GOLGA4: variants seen among roughly 807,000 people sequenced by gnomAD.
GOLGA4 encodes golgin subfamily A member 4.
GOLGA4 carries 169 observed loss-of-function variants against 265.9 expected under a neutral mutation model. That is an observed-to-expected ratio of 0.64 (90% CI 0.56 to 0.72). GOLGA4 has a LOEUF of 0.72. Among genes scored for constraint, GOLGA4 ranks in the 30% least tolerant of loss-of-function variants. The probability of loss-of-function intolerance (pLI) is 0.00; values close to 1 mark genes in which losing one functional copy is unlikely to be tolerated. For synonymous variants in GOLGA4, 923 were observed against 855.8 expected, an observed-to-expected ratio of 1.08 and a Z score of -1.37; for missense variants, 2,482 against 2,483.4, an observed-to-expected ratio of 1.00 and a Z score of 0.01.
chr3:37,249,028 T>C (rs963451069), intron 1 of GOLGA4, among the ~76,000 whole-genome samples: 60 of 152,342 alleles, frequency 3.9e-4, no homozygotes, highest in Non-Finnish European at 2.2e-4. Flanking sequence ...AGTGACCATT[T>C]TATTAAAGGA....
At chr3:37,275,736 T>C (rs1438695963) in intron 2 of GOLGA4, 10 of 1,612,760 alleles carry the variant, frequency 6.2e-6, no homozygotes, top group Middle Eastern at 1.9e-4. Flanking sequence ...ATGGACAAGA[T>C]GGTGCAGAAG....
intron 21 of GOLGA4, among the ~76,000 whole-genome samples, chr3:37,353,143 G>A (rs746875263): frequency 7.0e-4 from 106 of 151,938 alleles, no homozygotes; most frequent in Non-Finnish European, 1.4e-3. Context: ...ATGGTTTGTG[G>A]TGCCCCAATA....
rs1330663745 is a variant in GOLGA4 at position 37,328,471 on chromosome 3, A to T, written c.5995A>T (p.Arg1999Trp). 6 of 1,612,638 alleles carry T rather than the reference A, an allele frequency of 3.7e-6. No individual in the cohort carries two copies. Among genetic ancestry groups the T allele is most frequent in the Non-Finnish European group, 5.1e-6 (6 of 1,178,734 alleles). Residue 1999 changes from arginine (R) to tryptophan (W), a missense_variant, in exon 15 of 24, where the codon AGG (arginine) becomes TGG (tryptophan). By Grantham distance (101) the Arg-to-Trp change is moderately radical. Coordinates refer to ENST00000361924, the MANE Select transcript of GOLGA4 (RefSeq NM_002078.5). ...KHNSTLKQLM[R>W]EFNTQLAQKE... ...CAATTCCACATTAAAACAGCTGATG[A>T]GGGAGTTTAATACACAGCTGGCACA...
chr3:37,345,071 A>G (rs1324113296), intron 20 of GOLGA4, among the ~76,000 whole-genome samples: 3 of 152,106 alleles, frequency 2.0e-5, no homozygotes, highest in Non-Finnish European at 4.4e-5. Flanking sequence ...TTAGCTAGGC[A>G]TGGTGACATG....
At chr3:37,298,138 C>G (rs1216391428) in intron 7 of GOLGA4, among the ~76,000 whole-genome samples, 1 of 152,132 alleles carries the variant, frequency 6.6e-6, no homozygotes, top group Non-Finnish European at 1.5e-5. Context: ...CTAGACAGAG[C>G]TGATTTATCA....
chr3:37,326,036 C>A lies in GOLGA4; in HGVS notation c.4150C>A (p.Gln1384Lys), dbSNP rs1578710694. ...ACTAACTGATTTGAATGTTCAGCTT[C>A]AAAATAGCATCAGCCTATCCGAAAA... ...KQLTDLNVQLQNSISLSEKEA... is the reference protein window; with the variant it reads ...KQLTDLNVQLKNSISLSEKEA... The change falls in exon 14 of 24, where the codon CAA (glutamine) becomes AAA (lysine). Residue 1384 changes from glutamine to lysine, a missense_variant. This residue lies in a region of GOLGA4 where 942 missense variants were observed against 983.1 expected (regional missense o/e 0.96). Coordinates refer to ENST00000361924, the MANE Select transcript of GOLGA4 (RefSeq NM_002078.5). 6.2e-7 allele frequency: 1 copy of A among 1,613,298 alleles called. No individual in the cohort carries two copies. The highest frequency in any genetic ancestry group is 1.1e-5 in the South Asian group (1 of 91,044).
In GOLGA4 at chr3:37,254,109, A is replaced by G. The variant is rs187728933; in HGVS notation, c.162+2625A>G. Among the ~76,000 whole-genome samples, 412 of 152,302 alleles carry G rather than the reference A, an allele frequency of 2.7e-3. 2 individuals carry two copies. Among genetic ancestry groups the G allele is most frequent in the African/African-American group, 9.3e-3 (387 of 41,582 alleles). On this transcript the variant is annotated intron_variant, in intron 2 of 23. Transcript: ENST00000361924. The stretch of plus-strand genomic sequence containing the variant: ...TGCAAACTAATATACTATAATGTCA[A>G]TCAATATACTGAGTATAGAAATGAT...
At chr3:37,345,440 A>G (rs1559462601) in intron 20 of GOLGA4, among the ~76,000 whole-genome samples, 1 of 152,220 alleles carries the variant, frequency 6.6e-6, no homozygotes, top group Non-Finnish European at 1.5e-5. Context: ...ACACTTTGGA[A>G]TTTGGCCCAG....
intron 2 of GOLGA4, among the ~76,000 whole-genome samples, chr3:37,272,446 A>T (rs2150723293): frequency 6.6e-6 from 1 of 152,270 alleles, no homozygotes; most frequent in East Asian, 1.9e-4. Flanking sequence ...CTGAGGTGAG[A>T]GGATCCCTTG....
In GOLGA4 at chr3:37,324,569, G is replaced by A. The variant is rs1389940801; in HGVS notation, c.2683G>A (p.Gly895Ser). Residue 895 changes from glycine to serine, a missense_variant, in exon 14 of 24, where the codon GGT becomes AGT. By Grantham distance (56) the Gly-to-Ser change is moderately conservative. Transcript: ENST00000361924. ...TQVYESKLEDGNKEQEQTKQI... is the reference protein window; with the variant it reads ...TQVYESKLEDSNKEQEQTKQI... ...AGTCTATGAGTCCAAACTTGAAGAT[G>A]GTAACAAAGAACAGGAACAGACAAA... 2.5e-6 allele frequency: 4 copies of A among 1,613,406 alleles called. No individual in the cohort carries two copies. The highest frequency in any genetic ancestry group is 2.5e-6 in the Non-Finnish European group (3 of 1,179,862).
intron 23 of GOLGA4, among the ~76,000 whole-genome samples, chr3:37,364,101 TTCAGAAG>T: frequency 6.6e-6 from 1 of 152,170 alleles, no homozygotes; most frequent in Non-Finnish European, 1.5e-5. Flanking sequence ...CATTTACAAA[TTCAGAAG>T]ACTAAAACTC....
Position 37,296,146 on chromosome 3 carries a change from A to G in GOLGA4, c.741A>G (p.Pro247=), listed in dbSNP as rs2096877722. Residue 247 remains proline (P), a synonymous_variant, in exon 7 of 24, where the codon CCA becomes CCG. Coordinates refer to ENST00000361924, the MANE Select transcript of GOLGA4 (RefSeq NM_002078.5). The part of the protein sequence containing the change: ...NGPMNVDVLK[P]LPQLEPQAEV... ...CGATGAATGTTGATGTACTGAAACC[A>G]CTTCCTCAGCTGGAACCACAGGCTG... The G allele has an allele frequency of 1.2e-6, 2 of 1,613,628 alleles. No individual in the cohort carries two copies. The highest frequency in any genetic ancestry group is 1.7e-6 in the Non-Finnish European group (2 of 1,179,624).
intron 20 of GOLGA4, among the ~76,000 whole-genome samples, chr3:37,341,465 A>G (rs1301799344): frequency 6.6e-6 from 1 of 152,224 alleles, no homozygotes; most frequent in Admixed American, 6.5e-5. Context: ...AATGTAAAAT[A>G]CTACACAAAT....
chr3:37,362,101 A>C (rs965824318), intron 23 of GOLGA4, among the ~76,000 whole-genome samples: 21 of 152,342 alleles, frequency 1.4e-4, no homozygotes, highest in Non-Finnish European at 2.6e-4. Context: ...CTTCACTATA[A>C]TTAAAATAAA....
chr3:37,255,927 A>G (rs2096747357), intron 2 of GOLGA4, among the ~76,000 whole-genome samples: 1 of 152,064 alleles, frequency 6.6e-6, no homozygotes, highest in African/African-American at 2.4e-5. Flanking sequence ...CAAACAAACA[A>G]ACAAACAAAC....
intron 2 of GOLGA4, among the ~76,000 whole-genome samples, chr3:37,257,919 GTATA>G (rs1309312309): frequency 5.3e-5 from 6 of 114,048 alleles, no homozygotes; most frequent in African/African-American, 1.1e-4. Context: ...ATATATGTAT[GTATA>G]TATGTATATA....
rs896117322 is a variant in GOLGA4 at position 37,337,803 on chromosome 3, CT to C, written c.6396+74del. 17 of 997,554 alleles carry C rather than the reference CT, an allele frequency of 1.7e-5. 1 individual carries two copies. The highest frequency in any genetic ancestry group is 2.7e-5 in the Non-Finnish European group (17 of 633,356). The allele number at this position is 997,554 out of a possible 1,614,324, so 61.8% of individuals were successfully genotyped here. A position where few individuals can be genotyped will look rare whatever the true frequency, so the allele number is the denominator to read the frequency against. The stretch of plus-strand genomic sequence containing the variant: ...TTAATATGTACTTGGATCTCAGCTA[CT>C]TTTTAAATAGTTGGCTTTGAAATTT... On this transcript the variant is annotated intron_variant, in intron 19 of 23. Transcript: ENST00000361924.
chr3:37,351,887 T>C (rs1044970057), intron 21 of GOLGA4, among the ~76,000 whole-genome samples: 2 of 152,046 alleles, frequency 1.3e-5, no homozygotes, highest in Non-Finnish European at 2.9e-5. Flanking sequence ...TTTGGGATGG[T>C]AAATGAGCAT....
chr3:37,283,613 G>A (rs1449351958), intron 3 of GOLGA4, among the ~76,000 whole-genome samples: 1 of 151,994 alleles, frequency 6.6e-6, no homozygotes, highest in Non-Finnish European at 1.5e-5. Flanking sequence ...CAACTTCCTG[G>A]GCCCAAGCGA....
Sources: gnomAD v4.1 joint callset for allele counts (sites outside exome capture counted in the v4.1 genomes callset) on GRCh38, gnomAD v4.1.1 for gene constraint, gnomAD v4.1.1 regional missense constraint, MANE v1.5 for transcripts, NCBI Gene and HGNC (gene_info 2026-07-23, HGNC 2026-07-21) for gene names.